Variants in NDUFAF6 observed in about 807,000 individuals in gnomAD.
NDUFAF6 encodes the protein NADH:ubiquinone oxidoreductase complex assembly factor 6.
NDUFAF6 carries 45 observed loss-of-function variants against 40.8 expected under a neutral mutation model. The ratio of observed to expected loss-of-function variants is 1.10; its 90% confidence interval spans 0.87 to 1.42. NDUFAF6 has a LOEUF of 1.42. NDUFAF6 is among the 40% of genes most tolerant of loss of function. The pLI is 0.00. For missense variants in NDUFAF6, 435 were observed against 418.5 expected (o/e 1.04, Z -0.34); for synonymous variants, 185 against 155.9 (o/e 1.19, Z -1.39).
At chr8:95,113,321 G>A (rs768343020) in intron 4 of NDUFAF6, among the ~76,000 whole-genome samples, 1 of 152,232 alleles carries the variant, frequency 6.6e-6, no homozygotes, top group African/African-American at 2.4e-5. Flanking sequence ...TGGTGCCAGA[G>A]GGGATAGTAG....
At position 94,980,974 on chromosome 8, in the gene NDUFAF6, G is replaced by A. The variant is rs1466713859; in HGVS notation, c.-84+1G>A. On this transcript the variant is annotated splice_donor_variant, in intron 2 of 9. Transcript: ENST00000396111. LOFTEE classifies it low-confidence loss of function (5UTR_SPLICE). ...CACATTCCTCATGGTTGGTTCAAAG[G>A]TGAGCAAGTAATTGAAATCAGTTAA... The A allele has an allele frequency of 2.2e-6, 1 of 456,666 alleles. No individual in the cohort carries two copies. The highest frequency in any genetic ancestry group is 4.4e-6 in the Non-Finnish European group (1 of 226,952). The allele number at this position is 456,666 out of a possible 1,614,324, so 28.3% of individuals were successfully genotyped here.
At position 95,039,326 on chromosome 8, in the gene NDUFAF6, G is replaced by A. The variant is rs142837123; in HGVS notation, c.421-2244G>A. On this transcript the variant is annotated intron_variant, in intron 3 of 8. Transcript: ENST00000396124. Reference sequence around the variant, plus strand: ...AAATTAGCCGGGCGTAGTGGTGTGCGCCTGTAGTCCCAGTTACTCGGGAGG... The same window carrying A: ...AAATTAGCCGGGCGTAGTGGTGTGCACCTGTAGTCCCAGTTACTCGGGAGG... Among the ~76,000 whole-genome samples, 651 of 151,990 alleles carry A rather than the reference G, an allele frequency of 4.3e-3. 2 individuals carry two copies. The highest frequency in any genetic ancestry group is 0.015 in the African/African-American group (622 of 41,470).
At chr8:95,029,917 GA>G (rs1219330069) in intron 1 of NDUFAF6, among the ~76,000 whole-genome samples, 1 of 151,990 alleles carries the variant, frequency 6.6e-6, no homozygotes, top group Non-Finnish European at 1.5e-5. Context: ...ATTTAATTAA[GA>G]ATGTTAATTA....
intron 1 of NDUFAF6, among the ~76,000 whole-genome samples, chr8:94,944,128 G>A (rs761687176): frequency 1.1e-4 from 17 of 152,222 alleles, no homozygotes; most frequent in Non-Finnish European, 2.1e-4. Flanking sequence ...TTCTGTGTCT[G>A]CTGAACCAGT....
rs544243821 is a variant in NDUFAF6 at position 95,095,218 on chromosome 8, T to C, written n.214-5914T>C. Among the ~76,000 whole-genome samples, 3 of 152,280 alleles carry C rather than the reference T, an allele frequency of 2.0e-5. No homozygotes were observed. In the South Asian group the frequency reaches 6.2e-4, roughly 32 times the overall value. On this transcript the variant is annotated intron_variant and non_coding_transcript_variant, in intron 2 of 5. Transcript: ENST00000523184. ...ATTCTTTCCCTCTCACAGGCAGGCA[T>C]CTATGATTAATTTGCACAGTGTGCC... is the stretch of plus-strand genomic sequence containing the variant.
chr8:94,990,316 G>A (rs930978674), intron 2 of NDUFAF6, among the ~76,000 whole-genome samples: 3 of 152,172 alleles, frequency 2.0e-5, no homozygotes, highest in African/African-American at 7.2e-5. Flanking sequence ...CAGCCTTGGG[G>A]AGAAGCAACC....
downstream of NDUFAF6, among the ~76,000 whole-genome samples, chr8:95,107,068 C>G (rs953597853): frequency 4.6e-5 from 7 of 152,206 alleles, no homozygotes; most frequent in Admixed American, 1.3e-4. Flanking sequence ...TTGTGGAAGA[C>G]AGTGTGGTGA....
At chr8:95,016,501 T>G (rs1391569753) in intron 2 of NDUFAF6, among the ~76,000 whole-genome samples, 1 of 152,150 alleles carries the variant, frequency 6.6e-6, no homozygotes, top group African/African-American at 2.4e-5. Flanking sequence ...TCCCAGCACT[T>G]TGGGAGGCTG....
At chr8:95,089,071 T>G (rs1809158963) in intron 2 of NDUFAF6, among the ~76,000 whole-genome samples, 1 of 151,574 alleles carries the variant, frequency 6.6e-6, no homozygotes, top group African/African-American at 2.4e-5. Flanking sequence ...CTTGTTTTTC[T>G]TTTTTTTGAG....
chr8:94,957,347 C>A (rs903653330), upstream of NDUFAF6, among the ~76,000 whole-genome samples: 1 of 152,040 alleles, frequency 6.6e-6, no homozygotes, highest in Non-Finnish European at 1.5e-5. Context: ...TATTTATAGC[C>A]ATAGGACTGG....
upstream of NDUFAF6, among the ~76,000 whole-genome samples, chr8:94,957,706 AC>A (rs2131459250): frequency 6.6e-6 from 1 of 152,330 alleles, no homozygotes; most frequent in South Asian, 2.1e-4. Context: ...GTTTGGAGTT[AC>A]GAGCTGAGGA....
chr8:94,956,944 G>A (rs893328325), upstream of NDUFAF6, among the ~76,000 whole-genome samples: 1 of 152,168 alleles, frequency 6.6e-6, no homozygotes, highest in Non-Finnish European at 1.5e-5. Context: ...GCTGAGGTGG[G>A]CGGATCACTT....
chr8:94,957,022 A>G (rs1823139831), upstream of NDUFAF6, among the ~76,000 whole-genome samples: 1 of 152,052 alleles, frequency 6.6e-6, no homozygotes, highest in Non-Finnish European at 1.5e-5. Flanking sequence ...AAATACAAAA[A>G]TTACCCGGGC....
At chr8:95,114,126 T>C (rs1207399277) in intron 4 of NDUFAF6, among the ~76,000 whole-genome samples, 1 of 149,054 alleles carries the variant, frequency 6.7e-6, no homozygotes, top group African/African-American at 2.5e-5. Flanking sequence ...CTGCACAATA[T>C]GCACATGTAC....
intron 1 of NDUFAF6, chr8:94,927,184 T>G (rs1819968200): frequency 6.6e-6 from 1 of 152,640 alleles, no homozygotes; most frequent in Non-Finnish European, 1.5e-5. Context: ...GTCCTTCATG[T>G]TTTTGTTTCC....
At chr8:95,075,816 C>T (rs1386263112) in exon 10 of NDUFAF6, 6 of 624,600 alleles carry the variant, frequency 9.6e-6, no homozygotes, top group African/African-American at 7.6e-5. Context: ...CACTCGAACA[C>T]GCACACACTT....
chr8:95,047,999 G>C (rs968680616), intron 6 of NDUFAF6, among the ~76,000 whole-genome samples: 1 of 152,010 alleles, frequency 6.6e-6, no homozygotes, highest in South Asian at 2.1e-4. Context: ...GTTGAGACCA[G>C]CCTGGGCAAT....
At chr8:95,054,172 T>C (rs1321063880) in intron 8 of NDUFAF6, among the ~76,000 whole-genome samples, 1 of 151,428 alleles carries the variant, frequency 6.6e-6, no homozygotes, top group East Asian at 1.9e-4. Flanking sequence ...GTCTTGAACT[T>C]CTGAACCCAA....
chr8:95,031,958 G>A (rs747871923), intron 1 of NDUFAF6, 37 bp from the exon 2 acceptor site: 2 of 1,577,826 alleles, frequency 1.3e-6, no homozygotes, highest in South Asian at 2.2e-5. Context: ...AGCTTGGAAA[G>A]TGAAGAGTAA....
Sources: allele counts gnomAD v4.1 joint callset (sites outside exome capture counted in the v4.1 genomes callset), GRCh38; gene constraint gnomAD v4.1.1; transcripts MANE v1.5; gene names NCBI Gene and HGNC (gene_info 2026-07-23, HGNC 2026-07-21).